The following SLC25A44 variants were observed in gnomAD, a reference collection of about 807,000 sequenced individuals.
SLC25A44 encodes solute carrier family 25, member 44.
A neutral mutation model predicts 29.9 loss-of-function variants in SLC25A44; 17 were observed. The ratio of observed to expected loss-of-function variants is 0.57; its 90% confidence interval spans 0.39 to 0.85. The LOEUF (loss-of-function observed/expected upper bound fraction) is 0.85, where lower values mean the gene tolerates loss of function less well. Among genes scored for constraint, SLC25A44 ranks in the 40% least tolerant of loss-of-function variants. The pLI is 0.00. For missense variants in SLC25A44, 302 were observed against 398.4 expected (o/e 0.76, Z 2.06); for synonymous variants, 140 against 151.8 (o/e 0.92, Z 0.57).
chr1:156,203,693 TCTTTC>T (rs1281174225), intron 2 of SLC25A44, among the ~76,000 whole-genome samples: 11 of 139,956 alleles, frequency 7.9e-5, no homozygotes, highest in Middle Eastern at 3.7e-3. Context: ...TCTTTCATTC[TCTTTC>T]CTTTTTTTTT....
At chr1:156,204,010 C>CA (rs1326586048) in intron 2 of SLC25A44, among the ~76,000 whole-genome samples, 2 of 126,012 alleles carry the variant, frequency 1.6e-5, no homozygotes, top group Non-Finnish European at 3.4e-5. Flanking sequence ...GGCCCTTCTT[C>CA]TTTTTTTTTT....
chr1:156,212,794 C>G lies in SLC25A44; in HGVS notation c.*2363C>G. 1 of 654,122 alleles carries G rather than the reference C, an allele frequency of 1.5e-6. No individual in the cohort carries two copies. The highest frequency in any genetic ancestry group is 2.0e-5 in the South Asian group (1 of 49,892). The allele number at this position is 654,122 out of a possible 1,614,324, so 40.5% of individuals were successfully genotyped here. ...TAATTAAAAGTTTTTATTGAGCCCC[C>G]GAGCTTTGGCTTGCGCGTATTTTTC... is the stretch of plus-strand genomic sequence containing the variant. On this transcript the variant is annotated 3_prime_UTR_variant, in exon 4 of 4. Coordinates refer to ENST00000359511, the MANE Select transcript of SLC25A44 (RefSeq NM_014655.4).
rs1266550641 is a variant in SLC25A44 at position 156,198,272 on chromosome 1, A to G, written c.-13-1563A>G. 1 of 152,188 alleles carries G rather than the reference A, an allele frequency of 6.6e-6. No individual in the cohort carries two copies. Among genetic ancestry groups the G allele is most frequent in the Non-Finnish European group, 1.5e-5 (1 of 68,024 alleles). The allele number at this position is 152,188 out of a possible 1,614,324, so 9.4% of individuals were successfully genotyped here. On this transcript the variant is annotated intron_variant, in intron 1 of 3. Transcript: ENST00000359511. The surrounding 1 kb of genome is among the most constrained non-coding windows in gnomAD (Gnocchi z 4.1). Reference sequence around the variant, plus strand: ...GGGATACACTGGAGCACATCATATTACCACTAAGTATGTCTAATAAATGAT... The same window carrying G: ...GGGATACACTGGAGCACATCATATTGCCACTAAGTATGTCTAATAAATGAT...
chr1:156,199,657 C>A, intron 1 of SLC25A44, 178 bp from the exon 2 acceptor site: 1 of 603,492 alleles, frequency 1.7e-6, no homozygotes, highest in Non-Finnish European at 2.9e-6. Context: ...GTATCCTGAT[C>A]TATGAAAGAA....
At chr1:156,206,163 A>G (rs1656912609) in intron 2 of SLC25A44, among the ~76,000 whole-genome samples, 1 of 152,198 alleles carries the variant, frequency 6.6e-6, no homozygotes, top group African/African-American at 2.4e-5. Flanking sequence ...TGTAGTATGC[A>G]ACGAAAAGGC....
In SLC25A44 at chr1:156,207,470, C is replaced by T. The variant is rs1246990157; in HGVS notation, c.626-416C>T. Reference sequence around the variant, plus strand: ...CTGGGATTACAGGCGTGAGCCGCCGCGCCCGGCACTACAAAACATTTTTAA... The same window carrying T: ...CTGGGATTACAGGCGTGAGCCGCCGTGCCCGGCACTACAAAACATTTTTAA... On this transcript the variant is annotated intron_variant, in intron 2 of 3. Transcript: ENST00000359511. 4.6e-5 allele frequency among the ~76,000 whole-genome samples: 7 copies of T among 152,030 alleles called. No individual in the cohort carries two copies. In the South Asian group the frequency reaches 1.0e-3, roughly 23 times the overall value.
intron 2 of SLC25A44, 163 bp from the exon 3 acceptor site, chr1:156,207,723 T>G: frequency 1.5e-6 from 1 of 653,994 alleles, no homozygotes; most frequent in South Asian, 2.1e-5. Context: ...TGAGACTTAA[T>G]AGTTTTTTGA....
Position 156,198,619 on chromosome 1 carries a change from AT to A in SLC25A44, c.-13-1211del, listed in dbSNP as rs1377298116. 1 of 151,954 alleles carries A rather than the reference AT, an allele frequency of 6.6e-6. No homozygotes were observed. Among genetic ancestry groups the A allele is most frequent in the Non-Finnish European group, 1.5e-5 (1 of 68,004 alleles). The allele number at this position is 151,954 out of a possible 1,614,324, so 9.4% of individuals were successfully genotyped here. On this transcript the variant is annotated intron_variant, in intron 1 of 3. Coordinates refer to ENST00000359511, the MANE Select transcript of SLC25A44 (RefSeq NM_014655.4). The surrounding 1 kb of genome is among the most constrained non-coding windows in gnomAD (Gnocchi z 4.1). ...GCATGCCACCATGCCTGGCTAACTT[AT>A]TTTTATATATTGTAGAGACGGAGTC...
At chr1:156,209,945 C>G (rs1657185173) in intron 3 of SLC25A44, among the ~76,000 whole-genome samples, 2 of 152,080 alleles carry the variant, frequency 1.3e-5, no homozygotes, top group Middle Eastern at 3.4e-3. Context: ...CTCATAACAA[C>G]CTCGTGGTGC....
At chr1:156,194,944 C>T (rs1350637586) in intron 1 of SLC25A44, among the ~76,000 whole-genome samples, 1 of 152,168 alleles carries the variant, frequency 6.6e-6, no homozygotes, top group Non-Finnish European at 1.5e-5. Flanking sequence ...GTATTTCTAA[C>T]AGGCTCCCAC....
intron 2 of SLC25A44, among the ~76,000 whole-genome samples, chr1:156,204,107 A>G (rs952154806): frequency 2.7e-5 from 4 of 148,704 alleles, no homozygotes; most frequent in Non-Finnish European, 4.5e-5. Context: ...TCCCAGGTTC[A>G]AGCAATTCTC....
rs751888138 is a variant in SLC25A44, at chr1:156,210,408, C to T, written c.922C>T (p.Leu308=). 3 of 1,588,310 alleles carry T rather than the reference C, an allele frequency of 1.9e-6. No homozygotes were observed. The South Asian group carries it at 3.4e-5, about 18-fold the overall frequency. Residue 308 remains leucine (L), a synonymous_variant, in exon 4 of 4, where the codon CTG becomes TTG. Transcript: ENST00000359511. ...SLKKLSLRPE[L]VDSRHW is the part of the protein sequence containing the mutation. ...CAAGAAACTCAGCCTCCGACCTGAG[C>T]TGGTGGACTCGAGACACTGGTAACC... is the stretch of plus-strand genomic sequence containing the variant.
At chr1:156,207,426 G>A (rs1160212568) in intron 2 of SLC25A44, among the ~76,000 whole-genome samples, 3 of 151,980 alleles carry the variant, frequency 2.0e-5, no homozygotes, top group Non-Finnish European at 2.9e-5. Flanking sequence ...TGATCTGCCC[G>A]CCTTGGCCTC....
In SLC25A44 at chr1:156,210,491, G is replaced by T; in HGVS notation, c.*60G>T. The T allele has an allele frequency of 7.5e-7, 1 of 1,326,328 alleles. No homozygotes were observed. The highest frequency in any genetic ancestry group is 1.5e-5 in the South Asian group (1 of 67,234). 82.2% of individuals were successfully genotyped at this position (1,326,328 alleles called of 1,614,324 possible). Reference sequence around the variant, plus strand: ...ACTACCGTGGGTCAGGGGCAGAGTGGAGAGGACAGCACCCTCTCCAGGTGC... The same window carrying T: ...ACTACCGTGGGTCAGGGGCAGAGTGTAGAGGACAGCACCCTCTCCAGGTGC... On this transcript the variant is annotated 3_prime_UTR_variant, in exon 4 of 4. Coordinates refer to ENST00000359511, the MANE Select transcript of SLC25A44 (RefSeq NM_014655.4).
intron 2 of SLC25A44, among the ~76,000 whole-genome samples, chr1:156,203,291 C>T (rs2241109): frequency 0.22 from 33,017 of 152,126 alleles, 4,064 homozygotes; most frequent in Non-Finnish European, 0.28. Flanking sequence ...GTCACCTTTG[C>T]GAAAAGGACT....
At position 156,200,180 on chromosome 1, in the gene SLC25A44, A is replaced by G; in HGVS notation, c.333A>G (p.Lys111=). The G allele has an allele frequency of 1.2e-6, 2 of 1,614,180 alleles. No homozygotes were observed. The highest frequency in any genetic ancestry group is 1.7e-6 in the Non-Finnish European group (2 of 1,180,028). ...VADYSQSNTV[K]SLVAGGSASL... is the part of the protein sequence containing the mutation. ...ACTACAGCCAGAGTAACACAGTCAA[A>G]TCACTGGTGGCTGGTGGCTCAGCCT... The change falls in exon 2 of 4, where the codon AAA becomes AAG. Residue 111 remains lysine, a synonymous_variant. Coordinates refer to ENST00000359511, the MANE Select transcript of SLC25A44 (RefSeq NM_014655.4).
At chr1:156,203,470 A>G (rs1656714497) in intron 2 of SLC25A44, among the ~76,000 whole-genome samples, 1 of 152,124 alleles carries the variant, frequency 6.6e-6, no homozygotes, top group Admixed American at 6.6e-5. Context: ...TATGTCTGGT[A>G]CTTATCATGG....
In SLC25A44 at chr1:156,200,118, G is replaced by A; in HGVS notation, c.271G>A (p.Val91Ile). The A allele has an allele frequency of 6.2e-7, 1 of 1,614,200 alleles. No homozygotes were observed. Among genetic ancestry groups the A allele is most frequent in the Non-Finnish European group, 8.5e-7 (1 of 1,180,026 alleles). ...TFTLISGQCY[V>I]TTYELTRKFV... ...CACCCTCATCTCTGGCCAGTGTTATGTCACCACTTATGAGCTCACCCGGAA... is the reference window on the plus strand; with the variant it reads ...CACCCTCATCTCTGGCCAGTGTTATATCACCACTTATGAGCTCACCCGGAA... The change falls in exon 2 of 4, where the codon GTC becomes ATC. Residue 91 changes from valine to isoleucine, a missense_variant. Transcript: ENST00000359511.
intron 2 of SLC25A44, among the ~76,000 whole-genome samples, chr1:156,202,113 G>A (rs894262266): frequency 3.3e-5 from 5 of 152,128 alleles, no homozygotes; most frequent in Admixed American, 2.0e-4. Flanking sequence ...GAAGTCTTGG[G>A]GATTGTGCTT....
Sources: allele counts gnomAD v4.1 joint callset (sites outside exome capture counted in the v4.1 genomes callset), GRCh38; gene constraint gnomAD v4.1.1; non-coding constraint Gnocchi (gnomAD v3.1); transcripts MANE v1.5; gene names NCBI Gene and HGNC (gene_info 2026-07-23, HGNC 2026-07-21).